CSPP1: variants seen among roughly 807,000 people sequenced by gnomAD.
CSPP1 encodes the protein centrosome and spindle pole-associated protein 1.
Under a neutral mutation model 164.4 loss-of-function variants are expected in CSPP1, and 126 were observed. The ratio of observed to expected loss-of-function variants is 0.77; its 90% confidence interval spans 0.66 to 0.89. The LOEUF (loss-of-function observed/expected upper bound fraction) is 0.89. Ranked by LOEUF, CSPP1 falls within the 40% of genes least tolerant of loss-of-function variation. CSPP1 has a pLI of 0.00. For synonymous variants in CSPP1, 472 were observed against 476.7 expected (o/e 0.99, Z 0.13); for missense variants, 1,395 against 1,449.8 (o/e 0.96, Z 0.61).
chr8:67,160,026 CT>C lies in CSPP1; in HGVS notation c.2538+893del, dbSNP rs537524384. 4.7e-3 allele frequency among the ~76,000 whole-genome samples: 250 copies of C among 53,676 alleles called. 18 individuals carry two copies. The highest frequency in any genetic ancestry group is 0.011 in the African/African-American group (104 of 9,228). 35.2% of individuals were successfully genotyped at this position (53,676 alleles called of 152,430 possible). On this transcript the variant is annotated intron_variant, in intron 21 of 30. Transcript: ENST00000678616. ...CTTTTCTTTTCTTTTCTTTTCTTTT[CT>C]TTTCTTTTTCTTTTTCTTTTTCTTT...
intron 9 of CSPP1, among the ~76,000 whole-genome samples, chr8:67,110,691 T>C (rs953808907): frequency 3.3e-5 from 5 of 152,226 alleles, no homozygotes; most frequent in Admixed American, 6.5e-5. Context: ...TGGCCCTCTT[T>C]GGGTTCTCTT....
At position 67,102,978 on chromosome 8, in the gene CSPP1, C is replaced by T. The variant is rs562471166; in HGVS notation, c.924-59C>T. 8 of 942,496 alleles carry T rather than the reference C, an allele frequency of 8.5e-6. No individual in the cohort carries two copies. The South Asian group carries it at 1.1e-4, about 12-fold the overall frequency. The allele number at this position is 942,496 out of a possible 1,614,324, so 58.4% of individuals were successfully genotyped here. Reference sequence around the variant, plus strand: ...CAACATCAAATGTAAAAACACCAAACTGTTATAAGAAGGTCCACTGTATGT... The same window carrying T: ...CAACATCAAATGTAAAAACACCAAATTGTTATAAGAAGGTCCACTGTATGT... On this transcript the variant is annotated intron_variant, in intron 7 of 30. Transcript: ENST00000678616.
chr8:67,072,460 T>C (rs1432351736), intron 1 of CSPP1, among the ~76,000 whole-genome samples: 1 of 152,142 alleles, frequency 6.6e-6, no homozygotes, highest in Non-Finnish European at 1.5e-5. Flanking sequence ...TTGTAAAATA[T>C]TGCTTTGTAA....
chr8:67,100,788 A>AATAT (rs111484403), intron 7 of CSPP1, among the ~76,000 whole-genome samples: 19 of 146,910 alleles, frequency 1.3e-4, no homozygotes, highest in Admixed American at 8.2e-4. Flanking sequence ...ATTATTAAAG[A>AATAT]ATATATATAT....
intron 28 of CSPP1, among the ~76,000 whole-genome samples, chr8:67,186,435 AG>A (rs1200656599): frequency 3.8e-4 from 54 of 140,672 alleles, no homozygotes; most frequent in African/African-American, 1.3e-3. Context: ...AAAAAAAAAA[AG>A]TCCAAGAATA....
chr8:67,193,980 T>C (rs148156057), intron 30 of CSPP1, among the ~76,000 whole-genome samples: 1 of 152,372 alleles, frequency 6.6e-6, no homozygotes, highest in African/African-American at 2.4e-5. Context: ...TGCTGTATAT[T>C]TGCAGTACTA....
chr8:67,112,095 AT>A (rs772087149), intron 10 of CSPP1, 30 bp downstream of exon 10: 2 of 1,510,360 alleles, frequency 1.3e-6, no homozygotes, highest in Non-Finnish European at 1.8e-6. Context: ...TAAAAGAGAT[AT>A]TTTGAGTTTA....
At position 67,149,942 on chromosome 8, in the gene CSPP1, A is replaced by G; in HGVS notation, c.2128+7A>G. The G allele has an allele frequency of 6.9e-7, 1 of 1,438,904 alleles. No individual in the cohort carries two copies. Among genetic ancestry groups the G allele is most frequent in the Middle Eastern group, 2.5e-4 (1 of 3,972 alleles). The allele number at this position is 1,438,904 out of a possible 1,614,324, so 89.1% of individuals were successfully genotyped here. On this transcript the variant is annotated splice_region_variant and intron_variant, in intron 18 of 30. Coordinates refer to ENST00000678616, the MANE Select transcript of CSPP1 (RefSeq NM_001382391.1). ...GCTGCAAATAAAAGCTCAGGTTTTT[A>G]ATCACTTTTTTTTTTTTTTTTTTTT...
intron 3 of CSPP1, among the ~76,000 whole-genome samples, chr8:67,076,790 T>TTTATGGAAC (rs1808010374): frequency 6.6e-6 from 1 of 152,188 alleles, no homozygotes; most frequent in South Asian, 2.1e-4. Flanking sequence ...TTGGTTATGA[T>TTTATGGAAC]TTATGGAACT....
At chr8:67,150,404 T>C (rs1327871823) in intron 18 of CSPP1, among the ~76,000 whole-genome samples, 1 of 151,948 alleles carries the variant, frequency 6.6e-6, no homozygotes, top group East Asian at 1.9e-4. Context: ...AATGAAGCAA[T>C]GTTGTTTTTT....
At chr8:67,075,301 T>C (rs1369462782) in intron 2 of CSPP1, among the ~76,000 whole-genome samples, 3 of 152,204 alleles carry the variant, frequency 2.0e-5, no homozygotes, top group Non-Finnish European at 4.4e-5. Flanking sequence ...ATATGGTTCA[T>C]CATAATGACA....
At chr8:67,150,023 TG>T in intron 18 of CSPP1, 88 bp downstream of exon 18, 1 of 1,324,908 alleles carries the variant, frequency 7.5e-7, no homozygotes, top group Non-Finnish European at 9.9e-7. Context: ...AAGTTCTTAT[TG>T]GGATCTTGAG....
chr8:67,176,949 T>C (rs1831810884), intron 26 of CSPP1, among the ~76,000 whole-genome samples: 2 of 151,804 alleles, frequency 1.3e-5, no homozygotes, highest in South Asian at 2.1e-4. Flanking sequence ...CGTGTGCCTG[T>C]AGTCCCAGCT....
chr8:67,099,926 A>T (rs987617420), intron 7 of CSPP1, among the ~76,000 whole-genome samples: 2 of 151,940 alleles, frequency 1.3e-5, no homozygotes, highest in Non-Finnish European at 1.5e-5. Context: ...TTGGTAATTT[A>T]AAAAAAATTA....
At chr8:67,166,792 T>C (rs1052196920) in intron 24 of CSPP1, among the ~76,000 whole-genome samples, 3 of 151,872 alleles carry the variant, frequency 2.0e-5, no homozygotes, top group African/African-American at 7.3e-5. Context: ...TGTAGGGTCA[T>C]AGGACAATAG....
intron 10 of CSPP1, 56 bp downstream of exon 10, chr8:67,112,121 A>T: frequency 8.4e-7 from 1 of 1,189,150 alleles, no homozygotes; most frequent in Non-Finnish European, 1.2e-6. Flanking sequence ...GCATTTGTGT[A>T]AAATGACATG....
At chr8:67,112,677 A>G (rs1022304699) in intron 10 of CSPP1, among the ~76,000 whole-genome samples, 1 of 152,132 alleles carries the variant, frequency 6.6e-6, no homozygotes, top group Non-Finnish European at 1.5e-5. Flanking sequence ...GATTGCAGCA[A>G]TAGCTTTCTA....
chr8:67,084,370 A>G (rs1256901188), intron 3 of CSPP1: 1 of 152,242 alleles, frequency 6.6e-6, no homozygotes, highest in Non-Finnish European at 1.5e-5. Flanking sequence ...GTAAGAATCC[A>G]TAAACATCCA....
At chr8:67,191,268 T>G (rs1455799242) in intron 29 of CSPP1, among the ~76,000 whole-genome samples, 2 of 152,212 alleles carry the variant, frequency 1.3e-5, no homozygotes, top group African/African-American at 4.8e-5. Context: ...CACCTCCTTG[T>G]TGAGTAGGCA....
Sources: gnomAD v4.1 joint callset for allele counts (sites outside exome capture counted in the v4.1 genomes callset) on GRCh38, gnomAD v4.1.1 for gene constraint, MANE v1.5 for transcripts, NCBI Gene and HGNC (gene_info 2026-07-23, HGNC 2026-07-21) for gene names.